The following IFT74 variants were observed in gnomAD, a reference collection of about 807,000 sequenced individuals.
The protein encoded by IFT74 is intraflagellar transport protein 74 homolog.
IFT74 carries 92 observed loss-of-function variants against 96.7 expected under a neutral mutation model. The ratio of observed to expected loss-of-function variants is 0.95; its 90% CI spans 0.80 to 1.13. IFT74 has a LOEUF of 1.13. Ranked by LOEUF, IFT74 falls within the 50% of genes most tolerant of loss-of-function variation. IFT74 has a pLI of 0.00. For missense variants in IFT74, 811 were observed against 698.2 expected, an observed-to-expected ratio of 1.16 and a Z score of -1.82; for synonymous variants, 223 against 213.2, an observed-to-expected ratio of 1.05 and a Z score of -0.40.
intron 2 of IFT74, among the ~76,000 whole-genome samples, chr9:26,962,948 CT>C (rs1288335105): frequency 1.2e-4 from 16 of 137,978 alleles, no homozygotes; most frequent in African/African-American, 3.5e-4. Flanking sequence ...TTCTTTTTTT[CT>C]TTTTTTTATT....
At chr9:26,986,887 T>A (rs910841599) in intron 6 of IFT74, among the ~76,000 whole-genome samples, 1 of 152,180 alleles carries the variant, frequency 6.6e-6, no homozygotes, top group Non-Finnish European at 1.5e-5. Flanking sequence ...CTTCCCAAAG[T>A]GCTGGGATTA....
rs1186243751 is a variant in IFT74, at chr9:27,063,208, G to A, written c.*472G>A. 6.6e-6 allele frequency among the ~76,000 whole-genome samples: 1 copy of A among 152,082 alleles called. No homozygotes were observed. Among genetic ancestry groups the A allele is most frequent in the African/African-American group, 2.4e-5 (1 of 41,416 alleles). On this transcript the variant is annotated 3_prime_UTR_variant, in exon 20 of 20. Transcript: ENST00000380062. ...TTCTCAAATAGGTTATATTTGATGT[G>A]TATTAGACCATATAATGTCACAGGT...
At chr9:26,950,840 A>G (rs1245594943) in intron 1 of IFT74, among the ~76,000 whole-genome samples, 1 of 152,272 alleles carries the variant, frequency 6.6e-6, no homozygotes, top group East Asian at 1.9e-4. Context: ...GAATTAATGA[A>G]TAACTGAAAT....
rs908207771 is a variant in IFT74 at position 27,066,113 on chromosome 9, AATT to A, written c.*3380_*3382del. Among the ~76,000 whole-genome samples the A allele has an allele frequency of 2.6e-5, 4 of 152,204 alleles. No homozygotes were observed. Among genetic ancestry groups the A allele is most frequent in the African/African-American group, 9.6e-5 (4 of 41,452 alleles). ...ATTTATGCACCTTTAATTAAATTAA[AATT>A]ATATTGTTTTTAATTTTACATTTGC... is the stretch of plus-strand genomic sequence containing the variant. On this transcript the variant is annotated 3_prime_UTR_variant, in exon 20 of 20. Coordinates refer to ENST00000380062, the MANE Select transcript of IFT74 (RefSeq NM_025103.4).
intron 13 of IFT74, among the ~76,000 whole-genome samples, chr9:27,040,348 C>A (rs1056175792): frequency 6.6e-6 from 1 of 151,888 alleles, no homozygotes. Context: ...GTCAGAAGTT[C>A]AAGACCATCC....
intron 12 of IFT74, among the ~76,000 whole-genome samples, chr9:27,021,971 A>G (rs900442071): frequency 6.6e-6 from 1 of 152,168 alleles, no homozygotes; most frequent in Non-Finnish European, 1.5e-5. Context: ...TAGGTCTTAG[A>G]TTTAAGTCTC....
intron 4 of IFT74, 50 bp from the exon 5 acceptor site, chr9:26,984,207 A>C (rs780098046): frequency 1.4e-6 from 2 of 1,444,846 alleles, no homozygotes. Context: ...GCTTAACTAG[A>C]GTTTTCTGGA....
intron 2 of IFT74, among the ~76,000 whole-genome samples, chr9:26,974,817 C>T (rs762027893): frequency 6.6e-6 from 1 of 152,172 alleles, no homozygotes; most frequent in Non-Finnish European, 1.5e-5. Flanking sequence ...GGTCATCCAA[C>T]AGGAGCTGAA....
chr9:27,021,432 T>C (rs1829596763), intron 12 of IFT74, among the ~76,000 whole-genome samples: 1 of 152,234 alleles, frequency 6.6e-6, no homozygotes, highest in Non-Finnish European at 1.5e-5. Flanking sequence ...GTGGTTGTAC[T>C]ACTTTATATT....
At position 27,012,465 on chromosome 9, in the gene IFT74, G is replaced by C. The variant is rs563422219; in HGVS notation, c.789+497G>C. ...GCTCCTGGCCTCAAGCAATGCTCCT[G>C]CCTTGGCTTCCCAATGTGCTGGGAT... On this transcript the variant is annotated intron_variant, in intron 10 of 19. Coordinates refer to ENST00000380062, the MANE Select transcript of IFT74 (RefSeq NM_025103.4). Among the ~76,000 whole-genome samples the C allele has an allele frequency of 2.2e-4, 33 of 152,098 alleles. No individual in the cohort carries two copies. The East Asian group carries it at 5.8e-3, about 27-fold the overall frequency.
At chr9:26,990,246 AGTTT>A in intron 8 of IFT74, 51 bp downstream of exon 8, 1 of 931,112 alleles carries the variant, frequency 1.1e-6, no homozygotes, top group South Asian at 2.8e-5. Flanking sequence ...TTTATTAGGT[AGTTT>A]AAGTTGTGAT....
At chr9:26,950,491 G>GT (rs1181349920) in intron 1 of IFT74, among the ~76,000 whole-genome samples, 1 of 151,954 alleles carries the variant, frequency 6.6e-6, no homozygotes, top group East Asian at 1.9e-4. Flanking sequence ...TTGCCTCAAA[G>GT]TTTAACTATA....
chr9:26,973,896 C>A (rs569756441), intron 2 of IFT74, among the ~76,000 whole-genome samples: 1 of 152,276 alleles, frequency 6.6e-6, no homozygotes, highest in East Asian at 1.9e-4. Context: ...GAGACAGAGA[C>A]CCTGACTCCC....
chr9:26,988,300 T>A (rs1423314171), intron 6 of IFT74, among the ~76,000 whole-genome samples: 1 of 152,122 alleles, frequency 6.6e-6, no homozygotes, highest in Non-Finnish European at 1.5e-5. Context: ...TCCTTGGGGA[T>A]GTTGGCAGGG....
Position 27,038,218 on chromosome 9 carries a change from G to A in IFT74, c.1055-6524G>A, listed in dbSNP as rs567325985. ...GGAATGAGGTAGTCAGTGATTTCAG[G>A]AGCTTCCCCATTATTGGTGCAGAAG... is the stretch of plus-strand genomic sequence containing the variant. On this transcript the variant is annotated intron_variant, in intron 13 of 19. Coordinates refer to ENST00000380062, the MANE Select transcript of IFT74 (RefSeq NM_025103.4). Among the ~76,000 whole-genome samples, 6 of 152,282 alleles carry A rather than the reference G, an allele frequency of 3.9e-5. No individual in the cohort carries two copies. The South Asian group carries it at 6.2e-4, about 16-fold the overall frequency.
intron 19 of IFT74, 29 bp downstream of exon 19, chr9:27,060,680 C>G (rs369605124): frequency 6.5e-7 from 1 of 1,548,356 alleles, no homozygotes; most frequent in Admixed American, 1.7e-5. Context: ...AAAATGGGGC[C>G]GGGTGCGGTG....
intron 10 of IFT74, among the ~76,000 whole-genome samples, chr9:27,012,969 G>A (rs915162590): frequency 1.3e-5 from 2 of 152,058 alleles, no homozygotes; most frequent in South Asian, 2.1e-4. Flanking sequence ...CGCCCACCTC[G>A]GCCTCCCAAA....
At chr9:26,957,278 G>C (rs1363627201) in intron 1 of IFT74, among the ~76,000 whole-genome samples, 1 of 152,110 alleles carries the variant, frequency 6.6e-6, no homozygotes, top group Non-Finnish European at 1.5e-5. Flanking sequence ...AAGAAAATTG[G>C]GTGAAATTTT....
At chr9:26,960,971 A>C (rs1435857470) in intron 1 of IFT74, among the ~76,000 whole-genome samples, 1 of 151,914 alleles carries the variant, frequency 6.6e-6, no homozygotes, top group East Asian at 1.9e-4. Context: ...AACTAGGTAC[A>C]AAAGACTTTA....
Sources: allele counts gnomAD v4.1 joint callset (sites outside exome capture counted in the v4.1 genomes callset), GRCh38; gene constraint gnomAD v4.1.1; transcripts MANE v1.5; gene names NCBI Gene and HGNC (gene_info 2026-07-23, HGNC 2026-07-21).